ZAN: variants seen among roughly 807,000 people sequenced by gnomAD.
ZAN encodes the protein zonadhesin (gene/pseudogene).
ZAN carries 260 observed loss-of-function variants against 286.2 expected under a neutral mutation model. The ratio of observed to expected loss-of-function variants is 0.91; its 90% CI spans 0.82 to 1.01. ZAN has a LOEUF of 1.01. Ranked by LOEUF, ZAN falls within the 50% of genes least tolerant of loss-of-function variation. ZAN has a pLI of 0.00. For synonymous variants in ZAN, 1,368 were observed against 1,417.5 expected, an observed-to-expected ratio of 0.97 and a Z score of 0.79; for missense variants, 3,410 against 3,639.2, an observed-to-expected ratio of 0.94 and a Z score of 1.62.
rs1454643282 is a variant in ZAN at position 100,772,121 on chromosome 7, TCTCA to T, written c.5425+105_5425+108del. The T allele has an allele frequency of 5.2e-6, 7 of 1,342,272 alleles. No individual in the cohort carries two copies. The East Asian group carries it at 1.8e-4, about 34-fold the overall frequency. The allele number at this position is 1,342,272 out of a possible 1,614,324, so 83.1% of individuals were successfully genotyped here. On this transcript the variant is annotated intron_variant, in intron 29 of 47. Transcript: ENST00000613979. ...TCTTTTTTTTTTTTTTGAGACGGAG[TCTCA>T]CTCTGTTGCCCAGGCTGGAGTGCAG...
At position 100,737,072 on chromosome 7, in the gene ZAN, C is replaced by A. The variant is rs755178346; in HGVS notation, c.517C>A (p.Pro173Thr). Residue 173 changes from proline (P) to threonine (T), a missense_variant, in exon 5 of 48, where the codon CCC (proline) becomes ACC (threonine). Transcript: ENST00000613979. ...CACTGTGCCCGCAGGGTTCACCCTG[C>A]CCACCCGGGTAAGGCCGGGGACAAA... ...TVTVPAGFTL[P>T]TRLMFEGTRG... The A allele has an allele frequency of 2.7e-6, 4 of 1,494,052 alleles. 1 individual carries two copies. Among genetic ancestry groups the A allele is most frequent in the South Asian group, 2.3e-5 (2 of 85,326 alleles). The allele number at this position is 1,494,052 out of a possible 1,614,324, so 92.5% of individuals were successfully genotyped here. A position where few individuals can be genotyped will look rare whatever the true frequency, so the allele number is the denominator to read the frequency against.
At position 100,775,262 on chromosome 7, in the gene ZAN, A is replaced by G; in HGVS notation, c.5780-66A>G. On this transcript the variant is annotated intron_variant, in intron 31 of 47. Transcript: ENST00000613979. ...TGGAAGGCAGGGAGAACCCAGGACT[A>G]GTTTCCCAGGGACCCTGTACCTGCC... The G allele has an allele frequency of 1.9e-6, 3 of 1,556,440 alleles. No homozygotes were observed. In the South Asian group the frequency reaches 3.6e-5, roughly 19 times the overall value.
chr7:100,742,844 T>G (rs1339531341), intron 7 of ZAN, among the ~76,000 whole-genome samples: 1 of 15,876 alleles, frequency 6.3e-5, no homozygotes, highest in Non-Finnish European at 1.5e-4. Flanking sequence ...AGGGAGACCG[T>G]GGGGAGAGGG....
In ZAN at chr7:100,767,069, C is replaced by T; in HGVS notation, c.4672C>T (p.His1558Tyr). 1 of 1,613,932 alleles carries T rather than the reference C, an allele frequency of 6.2e-7. No individual in the cohort carries two copies. The highest frequency in any genetic ancestry group is 8.5e-7 in the Non-Finnish European group (1 of 1,179,874). ...PHYLTFDGALHHFMGTCTYVL... is the reference protein window; with the variant it reads ...PHYLTFDGALYHFMGTCTYVL... ...CTACCTGACCTTCGATGGCGCCTTG[C>T]ACCACTTCATGGGCACCTGCACCTA... is the stretch of plus-strand genomic sequence containing the variant. The change falls in exon 25 of 48, where the codon CAC (histidine) becomes TAC (tyrosine). Residue 1558 changes from histidine (H) to tyrosine (Y), a missense_variant. Coordinates refer to ENST00000613979, the MANE Select transcript of ZAN (RefSeq NM_003386.3).
rs1812462006 is a variant in ZAN at position 100,797,746 on chromosome 7, G to C, written c.*14G>C. On this transcript the variant is annotated 3_prime_UTR_variant, in exon 48 of 48. Transcript: ENST00000613979. ...TGTGCCTGTTAAGTTGCTCAGTTTT[G>C]AGCTGTCTTCAGACAAGAAGATTAA... The C allele has an allele frequency of 6.2e-7, 1 of 1,613,818 alleles. No individual in the cohort carries two copies. The highest frequency in any genetic ancestry group is 8.5e-7 in the Non-Finnish European group (1 of 1,179,858).
chr7:100,774,608 G>A (rs868679823), intron 31 of ZAN, among the ~76,000 whole-genome samples: 1 of 152,186 alleles, frequency 6.6e-6, no homozygotes, highest in African/African-American at 2.4e-5. Flanking sequence ...CTTGAGCCCA[G>A]GAATTAGAGT....
intron 5 of ZAN, 27 bp from the exon 6 acceptor site, chr7:100,737,235 G>T: frequency 1.4e-6 from 2 of 1,448,152 alleles, no homozygotes; most frequent in Non-Finnish European, 1.9e-6. Context: ...GGGCTCATGG[G>T]GTTGGGGTCC....
chr7:100,779,036 A>G (rs1344090177), intron 34 of ZAN, among the ~76,000 whole-genome samples: 3 of 151,908 alleles, frequency 2.0e-5, no homozygotes, highest in Non-Finnish European at 4.4e-5. Flanking sequence ...TTGTCTCCAG[A>G]TAAACCAAAA....
chr7:100,740,059 G>A (rs1807628455), intron 7 of ZAN, among the ~76,000 whole-genome samples: 1 of 141,212 alleles, frequency 7.1e-6, no homozygotes, highest in Non-Finnish European at 1.6e-5. Flanking sequence ...GACATTCCAG[G>A]CTGAGGGGCC....
intron 38 of ZAN, among the ~76,000 whole-genome samples, chr7:100,788,899 A>C (rs1401847343): frequency 6.6e-6 from 1 of 151,954 alleles, no homozygotes; most frequent in South Asian, 2.1e-4. Context: ...TGGTTTCCCC[A>C]TGTTGGCCAG....
chr7:100,794,386 T>TACAA, intron 44 of ZAN, 128 bp downstream of exon 44: 1 of 1,425,158 alleles, frequency 7.0e-7, no homozygotes, highest in Non-Finnish European at 9.4e-7. Context: ...CCTGCCTTTG[T>TACAA]AGGGAGGGAC....
At chr7:100,738,661 A>T (rs1372806330) in intron 7 of ZAN, 48 bp downstream of exon 7, 1 of 1,482,350 alleles carries the variant, frequency 6.7e-7, no homozygotes, top group African/African-American at 1.4e-5. Flanking sequence ...GGCACCAAGC[A>T]CCCTACGATA....
At chr7:100,749,717 C>T (rs1300164242) in intron 11 of ZAN, among the ~76,000 whole-genome samples, 2 of 138,144 alleles carry the variant, frequency 1.4e-5, no homozygotes, top group Non-Finnish European at 3.2e-5. Flanking sequence ...TATATACACA[C>T]ACACACATAT....
chr7:100,791,331 T>C (rs1811941220), intron 40 of ZAN, among the ~76,000 whole-genome samples: 1 of 151,950 alleles, frequency 6.6e-6, no homozygotes. Context: ...TCAGCCTGCC[T>C]TCCCAGTTAT....
At position 100,792,146 on chromosome 7, in the gene ZAN, A is replaced by G; in HGVS notation, c.7710A>G (p.Gln2570=). 6.2e-7 allele frequency: 1 copy of G among 1,605,428 alleles called. No individual in the cohort carries two copies. Among genetic ancestry groups the G allele is most frequent in the Admixed American group, 1.7e-5 (1 of 59,140 alleles). The part of the protein sequence containing the change: ...CHQTVAPEPF[Q]EHCVLDLCSA... ...AGACGGTGGCCCCAGAGCCCTTCCA[A>G]GAGTGAGTCATGGGCCCAGGACTTG... is the stretch of plus-strand genomic sequence containing the variant. Residue 2570 remains glutamine (Q), a splice_region_variant and synonymous_variant, in exon 41 of 48, where the codon CAA becomes CAG. Coordinates refer to ENST00000613979, the MANE Select transcript of ZAN (RefSeq NM_003386.3).
At chr7:100,768,144 A>T (rs1810129766) in intron 26 of ZAN, 133 bp downstream of exon 26, 2 of 1,217,262 alleles carry the variant, frequency 1.6e-6, no homozygotes, top group African/African-American at 1.5e-5. Context: ...GACATTAGGC[A>T]TGAAGGTAGG....
At chr7:100,759,902 AC>A (rs1372395601) in intron 18 of ZAN, 57 bp downstream of exon 18, 1 of 1,574,004 alleles carries the variant, frequency 6.4e-7, no homozygotes. Context: ...GTCCTGGCCA[AC>A]CCTTCCAATC....
intron 14 of ZAN, among the ~76,000 whole-genome samples, chr7:100,753,528 G>A (rs1808931093): frequency 1.3e-5 from 2 of 151,984 alleles, no homozygotes; most frequent in South Asian, 4.2e-4. Flanking sequence ...CCCTTTTAAA[G>A]TGTACAATTC....
intron 35 of ZAN, among the ~76,000 whole-genome samples, chr7:100,781,047 G>A (rs559697131): frequency 1.3e-5 from 2 of 152,052 alleles, no homozygotes; most frequent in Admixed American, 1.3e-4. Flanking sequence ...TTCATAAGAA[G>A]GTTTATTTTA....
Sources: allele counts gnomAD v4.1 joint callset (sites outside exome capture counted in the v4.1 genomes callset), GRCh38; gene constraint gnomAD v4.1.1; transcripts MANE v1.5; gene names NCBI Gene and HGNC (gene_info 2026-07-23, HGNC 2026-07-21).